The following UNC13B variants were observed in gnomAD, a reference collection of about 807,000 sequenced individuals.
The protein encoded by UNC13B is unc-13 homolog B, also known as protein unc-13 homolog B.
Under a neutral mutation model 211.0 loss-of-function variants are expected in UNC13B, and 144 were observed. That is an observed-to-expected ratio of 0.68 (90% CI 0.60 to 0.78). The LOEUF is 0.78. Ranked by LOEUF, UNC13B falls within the 30% of genes least tolerant of loss-of-function variation. UNC13B has a pLI of 0.00. For synonymous variants in UNC13B, 709 were observed against 725.8 expected (o/e 0.98, Z 0.37); for missense variants, 1,777 against 2,002.0 (o/e 0.89, Z 2.14).
chr9:35,208,878 C>G (rs1823810076), intron 1 of UNC13B, among the ~76,000 whole-genome samples: 1 of 152,196 alleles, frequency 6.6e-6, no homozygotes, highest in Admixed American at 6.5e-5. Flanking sequence ...TTTTCATTGA[C>G]TTTCCAATTT....
chr9:35,368,248 C>T (rs2132168148), intron 12 of UNC13B, among the ~76,000 whole-genome samples: 1 of 152,274 alleles, frequency 6.6e-6, no homozygotes, highest in East Asian at 1.9e-4. Flanking sequence ...TCTGTTGTTA[C>T]CCTCTTTGTG....
chr9:35,377,799 A>G, intron 16 of UNC13B, 104 bp downstream of exon 16: 2 of 1,204,172 alleles, frequency 1.7e-6, no homozygotes, highest in South Asian at 3.0e-5. Flanking sequence ...AGGGAGAAAG[A>G]AAAAGGAAAT....
chr9:35,307,891 A>C lies in UNC13B; in HGVS notation c.8487A>C (p.Ala2829=), dbSNP rs1830004272. 2 of 398,860 alleles carry C rather than the reference A, an allele frequency of 5.0e-6. No individual in the cohort carries two copies. Among genetic ancestry groups the C allele is most frequent in the Non-Finnish European group, 8.8e-6 (2 of 226,094 alleles). The allele number at this position is 398,860 out of a possible 1,614,324, so 24.7% of individuals were successfully genotyped here. A position where few individuals can be genotyped will look rare whatever the true frequency, so the allele number is the denominator to read the frequency against. The change falls in exon 9 of 40, where the codon GCA becomes GCC. Residue 2829 remains alanine, a synonymous_variant. Transcript: ENST00000635942. ...GTGAGGGGAAAGGGAGTGTATTAGC[A>C]AGTGATTCAAAACTAGGATTTGGAA... The part of the protein sequence containing the change: ...GSSEGKGSVL[A]SDSKLGFGKV...
intron 13 of UNC13B, 30 bp from the exon 14 acceptor site, chr9:35,375,097 T>A (rs2132214249): frequency 1.2e-6 from 2 of 1,612,896 alleles, no homozygotes; most frequent in East Asian, 4.5e-5. Flanking sequence ...TTGGCAGTGG[T>A]CAGGGCTAAC....
Position 35,384,263 on chromosome 9 carries a change from A to G in UNC13B, c.10824A>G (p.Lys3608=). The G allele has an allele frequency of 6.8e-6, 11 of 1,613,912 alleles. No individual in the cohort carries two copies. The highest frequency in any genetic ancestry group is 9.3e-6 in the Non-Finnish European group (11 of 1,179,920). ...ACCCTCAGAAAGAGAGATTTGTAAA[A>G]CTGCTGGACCAGCTACACAACTCAC... ...ASNFGKERFV[K]LLDQLHNSLR... The change falls in exon 22 of 40, where the codon AAA becomes AAG. Residue 3608 remains lysine, a synonymous_variant. Transcript: ENST00000635942.
intron 12 of UNC13B, among the ~76,000 whole-genome samples, chr9:35,369,961 G>A (rs1834011034): frequency 6.6e-6 from 1 of 152,128 alleles, no homozygotes; most frequent in African/African-American, 2.4e-5. Context: ...CAGTGTCTTT[G>A]CCCTGAATGT....
intron 7 of UNC13B, among the ~76,000 whole-genome samples, chr9:35,278,584 G>A (rs1326775248): frequency 6.9e-6 from 1 of 144,030 alleles, no homozygotes; most frequent in African/African-American, 2.5e-5. Flanking sequence ...TACTTCTTTT[G>A]CCACCTTCTT....
At chr9:35,184,833 G>GAA (rs1822267686) in intron 1 of UNC13B, among the ~76,000 whole-genome samples, 1 of 103,824 alleles carries the variant, frequency 9.6e-6, no homozygotes, top group Admixed American at 9.0e-5. Flanking sequence ...GAGAGAGAGA[G>GAA]GAGAAAGAAA....
rs1267079493 is a variant in UNC13B at position 35,403,936 on chromosome 9, C to T, written c.12926C>T (p.Thr4309Ile). Residue 4309 changes from threonine to isoleucine, a missense_variant, in exon 40 of 40, where the codon ACC becomes ATC. Transcript: ENST00000635942. The stretch of plus-strand genomic sequence containing the variant: ...ATCCATATGGATGAGACAGGCCTGA[C>T]CATTCTCCGGATTTTATCTCAGAGG... Reference protein sequence around the residue: ...RKIHMDETGLTILRILSQRSN... With the variant: ...RKIHMDETGLIILRILSQRSN... The T allele has an allele frequency of 6.2e-7, 1 of 1,614,060 alleles. No individual in the cohort carries two copies. Among genetic ancestry groups the T allele is most frequent in the Non-Finnish European group, 8.5e-7 (1 of 1,180,040 alleles).
At chr9:35,339,251 T>G (rs1021688041) in intron 11 of UNC13B, among the ~76,000 whole-genome samples, 1 of 152,218 alleles carries the variant, frequency 6.6e-6, no homozygotes, top group African/African-American at 2.4e-5. Context: ...AGCTAGCTCC[T>G]GAGCAGCCTA....
chr9:35,295,198 A>C (rs1363399839), intron 7 of UNC13B, among the ~76,000 whole-genome samples: 1 of 152,136 alleles, frequency 6.6e-6, no homozygotes, highest in East Asian at 1.9e-4. Flanking sequence ...CTGATGTTAG[A>C]CCTGCTTATT....
At chr9:35,329,770 G>A (rs940632047) in intron 11 of UNC13B, among the ~76,000 whole-genome samples, 4 of 152,032 alleles carry the variant, frequency 2.6e-5, no homozygotes, top group Non-Finnish European at 5.9e-5. Context: ...ATTACACCAC[G>A]CCTGGTCAAA....
At chr9:35,235,065 A>C (rs1004022098) in intron 3 of UNC13B, among the ~76,000 whole-genome samples, 6 of 152,198 alleles carry the variant, frequency 3.9e-5, no homozygotes, top group African/African-American at 1.4e-4. Flanking sequence ...TTTTAGCATT[A>C]ACACAGGTAC....
intron 1 of UNC13B, among the ~76,000 whole-genome samples, chr9:35,207,420 G>A (rs989405958): frequency 5.9e-5 from 9 of 151,766 alleles, no homozygotes; most frequent in Non-Finnish European, 1.0e-4. Flanking sequence ...CCACCACCAC[G>A]CTTGGCTAAT....
chr9:35,396,471 A>T lies in UNC13B; in HGVS notation c.11309-5A>T. On this transcript the variant is annotated splice_region_variant and splice_polypyrimidine_tract_variant and intron_variant, in intron 26 of 39. Coordinates refer to ENST00000635942, the MANE Select transcript of UNC13B (RefSeq NM_001371189.2). Reference sequence around the variant, plus strand: ...ACCTGACCCAACCTTTCTCCCTACCACTAGAGCATGAGAAAGACCACCTGT... The same window carrying T: ...ACCTGACCCAACCTTTCTCCCTACCTCTAGAGCATGAGAAAGACCACCTGT... 3 of 1,614,020 alleles carry T rather than the reference A, an allele frequency of 1.9e-6. No individual in the cohort carries two copies. The highest frequency in any genetic ancestry group is 3.3e-5 in the Admixed American group (2 of 60,010).
chr9:35,385,892 C>G, intron 23 of UNC13B, 79 bp downstream of exon 23: 1 of 1,539,856 alleles, frequency 6.5e-7, no homozygotes, highest in Non-Finnish European at 8.8e-7. Context: ...AATCATTGGG[C>G]AGAGTCTGAG....
At chr9:35,260,051 A>AAAC (rs1827177665) in intron 7 of UNC13B, among the ~76,000 whole-genome samples, 2 of 149,054 alleles carry the variant, frequency 1.3e-5, no homozygotes, top group South Asian at 4.2e-4. Flanking sequence ...AAAAAAAAAA[A>AAAC]AAAAAAAAAA....
At chr9:35,210,084 A>T (rs775389337) in intron 1 of UNC13B, among the ~76,000 whole-genome samples, 24 of 151,568 alleles carry the variant, frequency 1.6e-4, no homozygotes, top group Non-Finnish European at 2.4e-4. Flanking sequence ...TAAAAAAAAA[A>T]TTTTTTTTTC....
chr9:35,174,133 CCTCTCT>C (rs57116071), intron 1 of UNC13B, among the ~76,000 whole-genome samples: 2 of 149,742 alleles, frequency 1.3e-5, no homozygotes, highest in Non-Finnish European at 3.0e-5. Flanking sequence ...TCTTCCTAGA[CCTCTCT>C]CTCTCTCTCT....
Sources: allele counts gnomAD v4.1 joint callset (sites outside exome capture counted in the v4.1 genomes callset), GRCh38; gene constraint gnomAD v4.1.1; transcripts MANE v1.5; gene names NCBI Gene and HGNC (gene_info 2026-07-23, HGNC 2026-07-21).